RPIA: variants seen among roughly 807,000 people sequenced by gnomAD.
The protein encoded by RPIA is ribose-5-phosphate isomerase.
RPIA carries 29 observed loss-of-function variants against 37.8 expected under a neutral mutation model. The ratio of observed to expected loss-of-function variants is 0.77; its 90% CI spans 0.57 to 1.05. The LOEUF (loss-of-function observed/expected upper bound fraction) is 1.05, where lower values mean the gene tolerates loss of function less well. Among genes scored for constraint, RPIA ranks in the 50% least tolerant of loss-of-function variants. The pLI, the probability that RPIA is intolerant of heterozygous loss-of-function variation, is 0.00. For synonymous variants in RPIA, 167 were observed against 157.0 expected (o/e 1.06, Z -0.48); for missense variants, 385 against 413.6 (o/e 0.93, Z 0.60).
At chr2:88,749,541 G>A (rs1380484868) in intron 8 of RPIA, among the ~76,000 whole-genome samples, 1 of 152,056 alleles carries the variant, frequency 6.6e-6, no homozygotes. Context: ...CTCCCATTCC[G>A]AGGAAATCTT....
rs147635282 is a variant in RPIA at position 88,712,240 on chromosome 2, ATGAT to A, written c.402+12182_402+12185del. Among the ~76,000 whole-genome samples, 1,262 of 152,308 alleles carry A rather than the reference ATGAT, an allele frequency of 8.3e-3. 19 individuals are homozygous for A. The highest frequency in any genetic ancestry group is 0.027 in the African/African-American group (1,119 of 41,568). ...CAGGTGTCTCAGGATCTGGAGAGAA[ATGAT>A]TGATTTTCTCCTGCATTTGTGCTTC... is the stretch of plus-strand genomic sequence containing the variant. On this transcript the variant is annotated intron_variant, in intron 3 of 8. Transcript: ENST00000283646.
At chr2:88,693,390 C>T (rs1195198085) in intron 1 of RPIA, among the ~76,000 whole-genome samples, 1 of 152,226 alleles carries the variant, frequency 6.6e-6, no homozygotes, top group Non-Finnish European at 1.5e-5. Flanking sequence ...GGGAGATCTA[C>T]AGTGACCTTT....
At position 88,750,158 on chromosome 2, in the gene RPIA, C is replaced by T. The variant is rs548137310; in HGVS notation, c.*80C>T. On this transcript the variant is annotated 3_prime_UTR_variant, in exon 9 of 9. Transcript: ENST00000283646. ...GACGTACCTCTCCAGGAGCCTTTGC[C>T]TTAATGTATCTCTGCCTGGACAACT... 6 of 876,044 alleles carry T rather than the reference C, an allele frequency of 6.8e-6. No homozygotes were observed. The East Asian group carries it at 8.6e-5, about 13-fold the overall frequency. 54.3% of individuals were successfully genotyped at this position (876,044 alleles called of 1,614,324 possible). A position where few individuals can be genotyped will look rare whatever the true frequency, so the allele number is the denominator to read the frequency against.
At chr2:88,729,359 A>G (rs1673237509) in intron 4 of RPIA, 22 bp downstream of exon 4, 23 of 1,610,212 alleles carry the variant, frequency 1.4e-5, no homozygotes, top group Non-Finnish European at 1.8e-5. Flanking sequence ...ACTCAGAGGC[A>G]GACCACTGCG....
chr2:88,725,247 G>A (rs541926848), intron 3 of RPIA, among the ~76,000 whole-genome samples: 3 of 152,212 alleles, frequency 2.0e-5, no homozygotes, highest in Non-Finnish European at 4.4e-5. Flanking sequence ...TATGCTCACT[G>A]AGCCAGTAGT....
At chr2:88,694,041 A>G (rs1483529765) in intron 1 of RPIA, among the ~76,000 whole-genome samples, 2 of 152,248 alleles carry the variant, frequency 1.3e-5, no homozygotes, top group Non-Finnish European at 2.9e-5. Flanking sequence ...TAGCAGAAGT[A>G]GTATTTCCAA....
At chr2:88,697,105 C>A (rs1000391014) in intron 1 of RPIA, among the ~76,000 whole-genome samples, 2 of 152,186 alleles carry the variant, frequency 1.3e-5, no homozygotes, top group Non-Finnish European at 2.9e-5. Context: ...TAACAGTTTT[C>A]TGCAAGTTAA....
At chr2:88,737,931 C>A in intron 7 of RPIA, 46 bp from the exon 8 acceptor site, 1 of 1,415,366 alleles carries the variant, frequency 7.1e-7, no homozygotes, top group Non-Finnish European at 1.0e-6. Context: ...CCTTCTCTGC[C>A]TACCTGTATC....
intron 3 of RPIA, among the ~76,000 whole-genome samples, chr2:88,704,638 ATATAT>A (rs1248669445): frequency 6.6e-6 from 1 of 152,170 alleles, no homozygotes; most frequent in Non-Finnish European, 1.5e-5. Context: ...CTTCTGTACC[ATATAT>A]TATATTGAGC....
rs1368027645 is a variant in RPIA, at chr2:88,701,267, T to A, written c.402+1203T>A. On this transcript the variant is annotated intron_variant, in intron 3 of 8. Coordinates refer to ENST00000283646, the MANE Select transcript of RPIA (RefSeq NM_144563.3). ...TTATATAGCTTTTTTTTTTTTTTTT[T>A]AAATCCTGCTTTCTTGAGGCAATGC... Among the ~76,000 whole-genome samples, 7 of 149,750 alleles carry A rather than the reference T, an allele frequency of 4.7e-5. No homozygotes were observed. In the South Asian group the frequency reaches 6.3e-4, roughly 13 times the overall value.
Position 88,749,887 on chromosome 2 carries a change from G to T in RPIA, c.839-94G>T, listed in dbSNP as rs1396351597. ...AGATTTGTCATTCGTCCAATGCTGT[G>T]TATGACAGTTGCTTCTAGTGACCCT... On this transcript the variant is annotated intron_variant, in intron 8 of 8. Transcript: ENST00000283646. The T allele has an allele frequency of 2.0e-5, 16 of 795,580 alleles. No individual in the cohort carries two copies. The East Asian group carries it at 3.8e-4, about 19-fold the overall frequency. 49.3% of individuals were successfully genotyped at this position (795,580 alleles called of 1,614,324 possible).
chr2:88,708,779 C>T lies in RPIA; in HGVS notation c.402+8715C>T, dbSNP rs181000712. On this transcript the variant is annotated intron_variant, in intron 3 of 8. Transcript: ENST00000283646. ...ATTTTTTTTTTTTTTTTTTTTGAGA[C>T]GGAGTCTCGCTCTGTCGCCCAGGCT... Among the ~76,000 whole-genome samples the T allele has an allele frequency of 2.5e-3, 345 of 138,038 alleles. 2 individuals are homozygous for T. Among genetic ancestry groups the T allele is most frequent in the African/African-American group, 8.9e-3 (320 of 36,048 alleles). The allele number at this position is 138,038 out of a possible 152,430, so 90.6% of individuals were successfully genotyped here.
At chr2:88,732,728 TAAAAAAAAAAA>T (rs75685116) in intron 4 of RPIA, among the ~76,000 whole-genome samples, 1 of 2,004 alleles carries the variant, frequency 5.0e-4, no homozygotes, top group Non-Finnish European at 8.1e-4. Flanking sequence ...TAGAGTATAA[TAAAAAAAAAAA>T]AAAAAAAAAA....
At chr2:88,733,781 A>G (rs1378872697) in intron 4 of RPIA, among the ~76,000 whole-genome samples, 1 of 152,232 alleles carries the variant, frequency 6.6e-6, no homozygotes, top group Non-Finnish European at 1.5e-5. Flanking sequence ...CTTTAAAAAT[A>G]TACTCGGGGT....
chr2:88,743,094 C>T (rs532416272), intron 8 of RPIA, among the ~76,000 whole-genome samples: 54 of 152,106 alleles, frequency 3.6e-4, no homozygotes, highest in African/African-American at 1.1e-3. Context: ...GTATGTGAAA[C>T]GGGGTATCCT....
intron 4 of RPIA, among the ~76,000 whole-genome samples, chr2:88,733,250 G>C (rs888953233): frequency 2.6e-5 from 4 of 152,322 alleles, no homozygotes. Context: ...GACAGAGTGA[G>C]TGTACTGCGT....
At chr2:88,725,158 C>T (rs1299926181) in intron 3 of RPIA, among the ~76,000 whole-genome samples, 3 of 152,128 alleles carry the variant, frequency 2.0e-5, no homozygotes, top group Admixed American at 1.3e-4. Flanking sequence ...TCTACACGCT[C>T]CGGAGACCCT....
At chr2:88,741,738 T>C (rs979169983) in intron 8 of RPIA, among the ~76,000 whole-genome samples, 2 of 152,182 alleles carry the variant, frequency 1.3e-5, no homozygotes, top group African/African-American at 2.4e-5. Context: ...CATGCCAACA[T>C]CTATTATTTT....
intron 3 of RPIA, among the ~76,000 whole-genome samples, chr2:88,716,312 T>C (rs1310277011): frequency 6.6e-6 from 1 of 152,200 alleles, no homozygotes; most frequent in Admixed American, 6.5e-5. Context: ...TTGATTGATG[T>C]CTCATGTCTC....
Sources: gnomAD v4.1 joint callset for allele counts (sites outside exome capture counted in the v4.1 genomes callset) on GRCh38, gnomAD v4.1.1 for gene constraint, MANE v1.5 for transcripts, NCBI Gene and HGNC (gene_info 2026-07-23, HGNC 2026-07-21) for gene names.